PLCB2: variants seen among roughly 807,000 people sequenced by gnomAD.
The protein encoded by PLCB2 is 1-phosphatidylinositol 4,5-bisphosphate phosphodiesterase beta-2.
A neutral mutation model predicts 141.7 loss-of-function variants in PLCB2; 115 were observed. That is an observed-to-expected ratio of 0.81 (90% confidence interval 0.70 to 0.95). The LOEUF (loss-of-function observed/expected upper bound fraction) is 0.95. Among genes scored for constraint, PLCB2 ranks in the 40% least tolerant of loss-of-function variants. The pLI is 0.00. For missense variants in PLCB2, 1,403 were observed against 1,541.1 expected (o/e 0.91, Z 1.50); for synonymous variants, 603 against 595.6 (o/e 1.01, Z -0.18).
At chr15:40,289,721 C>T in intron 30 of PLCB2, 1 of 524,020 alleles carries the variant, frequency 1.9e-6, no homozygotes, top group African/African-American at 1.9e-5. Flanking sequence ...CCAGCCTCCC[C>T]TGGCCCTGAT....
rs754713811 is a variant in PLCB2 at position 40,296,354 on chromosome 15, C to T, written c.1638G>A (p.Met546Ile). The T allele has an allele frequency of 6.2e-7, 1 of 1,613,804 alleles. No homozygotes were observed. The highest frequency in any genetic ancestry group is 1.7e-5 in the Admixed American group (1 of 59,970). Reference sequence around the variant, plus strand: ...GCTGGATGTAATTGACTAGGCTGGACATCTCCTCATAAGCCGTCACTTCCA... The same window carrying T: ...GCTGGATGTAATTGACTAGGCTGGATATCTCCTCATAAGCCGTCACTTCCA... ...AGLEVTAYEEMSSLVNYIQPT... is the reference protein window; with the variant it reads ...AGLEVTAYEEISSLVNYIQPT... The change falls in exon 16 of 32, where the codon ATG becomes ATA. Residue 546 changes from methionine to isoleucine, a missense_variant. Transcript: ENST00000260402.
rs1566869526 is a variant in PLCB2, at chr15:40,289,957, GAGA to G, written c.3267+65_3267+67del. The G allele has an allele frequency of 2.6e-4, 201 of 766,626 alleles. 2 individuals carry two copies. Among genetic ancestry groups the G allele is most frequent in the Middle Eastern group, 2.3e-3 (9 of 3,966 alleles). The allele number at this position is 766,626 out of a possible 1,614,324, so 47.5% of individuals were successfully genotyped here. ...AGAGAGAGAGAGAGAGAGAGAGAGAGAGAGAGAGAGAGTGTGTGTGTGTGTGTG... is the reference window on the plus strand; with the variant it reads ...AGAGAGAGAGAGAGAGAGAGAGAGAGGAGAGAGAGTGTGTGTGTGTGTGTG... On this transcript the variant is annotated intron_variant, in intron 30 of 31. Coordinates refer to ENST00000260402, the MANE Select transcript of PLCB2 (RefSeq NM_004573.3).
At chr15:40,302,716 G>GAACCCC in intron 3 of PLCB2, 107 bp from the exon 4 acceptor site, 1 of 1,243,412 alleles carries the variant, frequency 8.0e-7, no homozygotes, top group South Asian at 1.4e-5. Flanking sequence ...CCACTGGGCA[G>GAACCCC]AACCCCATCC....
chr15:40,292,284 G>A (rs2039980984), intron 22 of PLCB2, 55 bp downstream of exon 22: 16 of 1,515,134 alleles, frequency 1.1e-5, no homozygotes, highest in Admixed American at 1.7e-5. Context: ...CTGGCTTGAT[G>A]GGAAGGAAGG....
At chr15:40,305,708 T>C (rs559013479) in intron 1 of PLCB2, among the ~76,000 whole-genome samples, 18 of 152,320 alleles carry the variant, frequency 1.2e-4, no homozygotes, top group Admixed American at 1.2e-3. Context: ...TCCTCAAAAA[T>C]GTCCTCCAGA....
intron 30 of PLCB2, 176 bp from the exon 31 acceptor site, chr15:40,289,534 G>T: frequency 3.2e-6 from 2 of 616,060 alleles, no homozygotes; most frequent in Non-Finnish European, 5.8e-6. Flanking sequence ...GACTGTAAAA[G>T]ATTATACAAG....
intron 11 of PLCB2, 119 bp from the exon 12 acceptor site, chr15:40,298,078 G>T (rs2040322737): frequency 1.7e-6 from 2 of 1,164,668 alleles, no homozygotes; most frequent in Non-Finnish European, 1.2e-6. Flanking sequence ...GCCGCCATTG[G>T]CCCCCAATCC....
downstream of PLCB2, among the ~76,000 whole-genome samples, chr15:40,287,632 C>A (rs1276653018): frequency 6.6e-6 from 1 of 152,204 alleles, no homozygotes; most frequent in Non-Finnish European, 1.5e-5. Flanking sequence ...TCTGCTCCAA[C>A]CCCGAGAGTG....
At position 40,298,326 on chromosome 15, in the gene PLCB2, G is replaced by T; in HGVS notation, c.1052C>A (p.Ser351Tyr). The T allele has an allele frequency of 6.2e-7, 1 of 1,607,552 alleles. No homozygotes were observed. Among genetic ancestry groups the T allele is most frequent in the Non-Finnish European group, 8.5e-7 (1 of 1,175,764 alleles). Residue 351 changes from serine to tyrosine, a missense_variant, in exon 11 of 32, where the codon TCT becomes TAT. Physicochemically the swap from Ser to Tyr is moderately radical, Grantham distance 144. Coordinates refer to ENST00000260402, the MANE Select transcript of PLCB2 (RefSeq NM_004573.3). Reference protein sequence around the residue: ...SAEMYRQVLLSGCRCVELDCW... With the variant: ...SAEMYRQVLLYGCRCVELDCW... ...GTCTAGCTCCACGCAACGGCAGCCA[G>T]AGAGCAGCACCTGGCGGTACATCTC...
rs1409512364 is a variant in PLCB2 at position 40,291,074 on chromosome 15, G to A, written c.2980C>T (p.Gln994Ter). Residue 994 changes from glutamine (Q) to a stop codon, truncating the protein, a stop_gained, in exon 27 of 32, where the codon CAG becomes TAG. Coordinates refer to ENST00000260402, the MANE Select transcript of PLCB2 (RefSeq NM_004573.3). LOFTEE classifies it high-confidence loss of function. ...ACGCACTCGTACTGCTCCTCGCCCT[G>A]CCGCAGCAGCTCCAGCTCCAGCCTG... ...KDRLELELLR[Q>*]GEEQYECVLK... is the part of the protein sequence containing the mutation. 2 of 1,590,688 alleles carry A rather than the reference G, an allele frequency of 1.3e-6. No individual in the cohort carries two copies. Among genetic ancestry groups the A allele is most frequent in the Non-Finnish European group, 1.7e-6 (2 of 1,176,240 alleles).
chr15:40,299,075 G>C, intron 8 of PLCB2, 53 bp downstream of exon 8: 1 of 1,565,576 alleles, frequency 6.4e-7, no homozygotes, highest in South Asian at 1.1e-5. Flanking sequence ...TGGGAGGAGG[G>C]GATTGTTAGC....
downstream of PLCB2, chr15:40,286,169 G>A (rs2039607007): frequency 3.5e-5 from 14 of 400,320 alleles, no homozygotes; most frequent in Non-Finnish European, 4.7e-5. Flanking sequence ...CTGTCGCTTA[G>A]GGAGCTGAAG....
In PLCB2 at chr15:40,307,736, G is replaced by A; in HGVS notation, c.-64C>T. On this transcript the variant is annotated 5_prime_UTR_variant, in exon 1 of 32. Coordinates refer to ENST00000260402, the MANE Select transcript of PLCB2 (RefSeq NM_004573.3). Reference sequence around the variant, plus strand: ...CAGGCAGGCAGAAGGGCAGGAAGGAGGCCAGCCAGGAGGGGGAGCCAAGCT... The same window carrying A: ...CAGGCAGGCAGAAGGGCAGGAAGGAAGCCAGCCAGGAGGGGGAGCCAAGCT... 6.4e-6 allele frequency: 9 copies of A among 1,413,626 alleles called. No individual in the cohort carries two copies. The highest frequency in any genetic ancestry group is 5.8e-6 in the Non-Finnish European group (6 of 1,043,436). 87.6% of individuals were successfully genotyped at this position (1,413,626 alleles called of 1,614,324 possible).
At chr15:40,290,425 A>T in intron 29 of PLCB2, 152 bp downstream of exon 29, 2 of 701,588 alleles carry the variant, frequency 2.9e-6, no homozygotes, top group Admixed American at 2.1e-5. Flanking sequence ...TGAGGAGGAC[A>T]CTCTGATCAA....
rs756911216 is a variant in PLCB2 at position 40,298,667 on chromosome 15, G to A, written c.892C>T (p.Pro298Ser). The A allele has an allele frequency of 1.8e-5, 29 of 1,614,010 alleles. No individual in the cohort carries two copies. The East Asian group carries it at 4.9e-4, about 27-fold the overall frequency. ...TCCTGGGCCAGCACGCTGTTCTCTG[G>A]CCCACAGAGAAACCAGACCATGCCT... is the stretch of plus-strand genomic sequence containing the variant. The part of the protein sequence containing the change: ...PEGMVWFLCG[P>S]ENSVLAQDKL... Residue 298 changes from proline to serine, a missense_variant, in exon 10 of 32, where the codon CCA (proline) becomes TCA (serine). Around this residue, in one of 4 missense-constraint regions of PLCB2, gnomAD observed 975 missense variants for 1,141.1 expected, o/e 0.85. Coordinates refer to ENST00000260402, the MANE Select transcript of PLCB2 (RefSeq NM_004573.3).
chr15:40,298,599 A>C lies in PLCB2; in HGVS notation c.960T>G (p.His320Gln). 1 of 1,614,238 alleles carries C rather than the reference A, an allele frequency of 6.2e-7. No individual in the cohort carries two copies. The highest frequency in any genetic ancestry group is 8.5e-7 in the Non-Finnish European group (1 of 1,180,034). Residue 320 changes from histidine to glutamine, a missense_variant, in exon 10 of 32, where the codon CAT becomes CAG. By Grantham distance (24) the His-to-Gln change is conservative. Transcript: ENST00000260402. ...LHHDMTQPLNHYFINSSHNTY... is the reference protein window; with the variant it reads ...LHHDMTQPLNQYFINSSHNTY... ...TGTTGTGGGACGAGTTGATGAAGTA[A>C]TGATTGAGTGGCTGCGTCATGTCGT...
At chr15:40,289,416 A>G in intron 30 of PLCB2, 58 bp from the exon 31 acceptor site, 1 of 1,270,662 alleles carries the variant, frequency 7.9e-7, no homozygotes, top group Non-Finnish European at 1.2e-6. Flanking sequence ...GCTGGGTCAG[A>G]ATCCAGCTGT....
chr15:40,284,829 A>G (rs1309655923), downstream of PLCB2, among the ~76,000 whole-genome samples: 1 of 99,614 alleles, frequency 1.0e-5, no homozygotes, highest in Admixed American at 1.5e-4. Flanking sequence ...ACAGAGTGAG[A>G]CTCCGTCAAA....
chr15:40,299,349 A>C (rs2040398086), intron 7 of PLCB2, 121 bp from the exon 8 acceptor site: 2 of 651,672 alleles, frequency 3.1e-6, no homozygotes, highest in Admixed American at 5.2e-5. Context: ...AGACAGAAGA[A>C]CTTCAAGGAC....
Sources: allele counts gnomAD v4.1 joint callset (sites outside exome capture counted in the v4.1 genomes callset), GRCh38; gene constraint gnomAD v4.1.1; regional missense constraint gnomAD v4.1.1; transcripts MANE v1.5; gene names NCBI Gene and HGNC (gene_info 2026-07-23, HGNC 2026-07-21).